The following HSD17B7 variants were observed in gnomAD, a reference collection of about 807,000 sequenced individuals.
HSD17B7 encodes hydroxysteroid 17-beta dehydrogenase 7.
Under a neutral mutation model 34.1 loss-of-function variants are expected in HSD17B7, and 17 were observed. The observed-to-expected ratio is 0.50, with a 90% CI of 0.34 to 0.75. The LOEUF is 0.75. HSD17B7 is among the 30% of genes least tolerant of loss of function. The pLI, the probability that HSD17B7 is intolerant of heterozygous loss-of-function variation, is 0.01. For missense variants in HSD17B7, 296 were observed against 406.6 expected, an observed-to-expected ratio of 0.73 and a Z score of 2.34; for synonymous variants, 122 against 154.6, an observed-to-expected ratio of 0.79 and a Z score of 1.56.
Position 162,796,010 on chromosome 1 carries a change from G to A in HSD17B7, c.240-575G>A, listed in dbSNP as rs529815036. 7.8e-5 allele frequency among the ~76,000 whole-genome samples: 7 copies of A among 89,518 alleles called. No homozygotes were observed. In the South Asian group the frequency reaches 1.9e-3, roughly 24 times the overall value. The allele number at this position is 89,518 out of a possible 152,430, so 58.7% of individuals were successfully genotyped here. A position where few individuals can be genotyped will look rare whatever the true frequency, so the allele number is the denominator to read the frequency against. On this transcript the variant is annotated intron_variant, in intron 2 of 8. Transcript: ENST00000254521. The stretch of plus-strand genomic sequence containing the variant: ...TTTTATAATCTCAGTGTATTCTTAC[G>A]AACTTTCATCATTTTAGGATACATA...
At chr1:162,797,723 G>A in intron 3 of HSD17B7, 79 bp from the exon 4 acceptor site, 1 of 1,548,122 alleles carries the variant, frequency 6.5e-7, no homozygotes. Context: ...TGGGTCGGGG[G>A]GATGGGTTGG....
chr1:162,802,592 T>G (rs1392566047), intron 5 of HSD17B7, among the ~76,000 whole-genome samples: 1 of 152,162 alleles, frequency 6.6e-6, no homozygotes, highest in Non-Finnish European at 1.5e-5. Flanking sequence ...GAACTGTCTG[T>G]TAAACTGGCA....
intron 3 of HSD17B7, 21 bp from the exon 4 acceptor site, chr1:162,797,781 A>C (rs1222354529): frequency 6.2e-7 from 1 of 1,602,226 alleles, no homozygotes; most frequent in African/African-American, 1.3e-5. Flanking sequence ...AAAGTCATGC[A>C]ATTATCTTCT....
rs747429092 is a variant in HSD17B7 at position 162,792,673 on chromosome 1, C to T, written c.50C>T (p.Ala17Val). ...TGTCCTCCCAGTGGCATTGGCCTGG[C>T]CCTCTGCAAGCGGCTGCTGGCGGAA... ...ITGASSGIGL[A>V]LCKRLLAEDD... The change falls in exon 2 of 9, where the codon GCC becomes GTC. Residue 17 changes from alanine to valine, a missense_variant. Coordinates refer to ENST00000254521, the MANE Select transcript of HSD17B7 (RefSeq NM_016371.4). The T allele has an allele frequency of 8.7e-6, 14 of 1,612,804 alleles. No homozygotes were observed. The highest frequency in any genetic ancestry group is 1.1e-5 in the Non-Finnish European group (13 of 1,179,436).
chr1:162,792,923 A>G, intron 2 of HSD17B7, 61 bp downstream of exon 2: 1 of 1,539,504 alleles, frequency 6.5e-7, no homozygotes, highest in Non-Finnish European at 9.0e-7. Context: ...CACTTAATAA[A>G]ATAAGAGAGG....
intron 2 of HSD17B7, among the ~76,000 whole-genome samples, chr1:162,793,835 A>G (rs536621912): frequency 3.3e-5 from 5 of 152,238 alleles, no homozygotes; most frequent in African/African-American, 9.6e-5. Context: ...CCAATCTTAT[A>G]TTAGTTGGGT....
rs756796880 is a variant in HSD17B7, at chr1:162,792,844, C to G, written c.221C>G (p.Ser74Cys). 5.0e-6 allele frequency: 8 copies of G among 1,614,128 alleles called. No individual in the cohort carries two copies. Among genetic ancestry groups the G allele is most frequent in the Non-Finnish European group, 5.9e-6 (7 of 1,180,032 alleles). Residue 74 changes from serine (S) to cysteine (C), a missense_variant, in exon 2 of 9, where the codon TCC becomes TGC. Transcript: ENST00000254521. ...AACCTGCAGTCGGTCTTCCGGGCCT[C>G]CAAGGAACTTAAGCAAAGGTATATC... ...VSNLQSVFRA[S>C]KELKQRFQRL...
At position 162,803,451 on chromosome 1, in the gene HSD17B7, C is replaced by A. The variant is rs887408419; in HGVS notation, c.663C>A (p.Ala221=). The A allele has an allele frequency of 6.2e-7, 1 of 1,612,824 alleles. No individual in the cohort carries two copies. The highest frequency in any genetic ancestry group is 1.3e-5 in the African/African-American group (1 of 74,964). Reference sequence around the variant, plus strand: ...CCTAGGGTCTCTATTCCAATGTGGCCTGTCCAGGTACAGCATTGACCAATT... The same window carrying A: ...CCTAGGGTCTCTATTCCAATGTGGCATGTCCAGGTACAGCATTGACCAATT... ...FNQQGLYSNV[A]CPGTALTNLT... Residue 221 remains alanine (A), a synonymous_variant, in exon 6 of 9, where the codon GCC becomes GCA. Transcript: ENST00000254521.
intron 3 of HSD17B7, 47 bp from the exon 4 acceptor site, chr1:162,797,755 G>A (rs1318200162): frequency 1.9e-6 from 3 of 1,584,034 alleles, no homozygotes; most frequent in African/African-American, 2.7e-5. Flanking sequence ...AGTATTTCCA[G>A]TTAAAGAAGC....
Position 162,803,436 on chromosome 1 carries a change from C to G in HSD17B7, c.648C>G (p.Leu216=), listed in dbSNP as rs762735136. 7 of 1,612,470 alleles carry G rather than the reference C, an allele frequency of 4.3e-6. No individual in the cohort carries two copies. The highest frequency in any genetic ancestry group is 3.3e-5 in the Admixed American group (2 of 59,946). Residue 216 remains leucine, a synonymous_variant, in exon 6 of 9, where the codon CTC becomes CTG. Coordinates refer to ENST00000254521, the MANE Select transcript of HSD17B7 (RefSeq NM_016371.4). Reference sequence around the variant, plus strand: ...CTACACCTCTCTGTTCCTAGGGTCTCTATTCCAATGTGGCCTGTCCAGGTA... The same window carrying G: ...CTACACCTCTCTGTTCCTAGGGTCTGTATTCCAATGTGGCCTGTCCAGGTA... ...ALNRNFNQQG[L]YSNVACPGTA... is the part of the protein sequence containing the mutation.
chr1:162,812,086 A>AG (rs761328163), intron 8 of HSD17B7, among the ~76,000 whole-genome samples: 113 of 152,348 alleles, frequency 7.4e-4, no homozygotes, highest in South Asian at 1.7e-3. Flanking sequence ...TTGCTGTTTA[A>AG]GGGAAGCATC....
intron 5 of HSD17B7, among the ~76,000 whole-genome samples, chr1:162,802,607 C>G (rs868840116): frequency 1.3e-5 from 2 of 151,800 alleles, no homozygotes; most frequent in Non-Finnish European, 2.9e-5. Flanking sequence ...CTGGCACTTC[C>G]TATTTTTTTA....
intron 4 of HSD17B7, chr1:162,798,203 A>G (rs554493763): frequency 2.4e-6 from 1 of 423,586 alleles, no homozygotes; most frequent in Non-Finnish European, 3.8e-6. Context: ...CCCATTATTA[A>G]CATTTCGCAT....
chr1:162,812,243 T>A lies in HSD17B7; in HGVS notation c.904-55T>A, dbSNP rs1054900413. The A allele has an allele frequency of 1.9e-6, 3 of 1,573,626 alleles. No individual in the cohort carries two copies. The African/African-American group carries it at 4.1e-5, about 22-fold the overall frequency. ...ATTGAATGCCTTTTTTTTATACAAA[T>A]ACTATTCATCTTATTTTTCATTTCT... On this transcript the variant is annotated intron_variant, in intron 8 of 8. Coordinates refer to ENST00000254521, the MANE Select transcript of HSD17B7 (RefSeq NM_016371.4).
intron 7 of HSD17B7, among the ~76,000 whole-genome samples, chr1:162,804,644 T>G (rs1327922777): frequency 6.6e-6 from 1 of 152,152 alleles, no homozygotes; most frequent in East Asian, 1.9e-4. Context: ...GGACGGTGAC[T>G]GCACAATCAG....
intron 4 of HSD17B7, 188 bp from the exon 5 acceptor site, chr1:162,799,555 A>G (rs1042434793): frequency 9.2e-6 from 5 of 540,946 alleles, no homozygotes; most frequent in African/African-American, 1.9e-5. Context: ...ATATATGTAC[A>G]TACTAACTCA....
In HSD17B7 at chr1:162,812,429, C is replaced by G. The variant is rs370587706; in HGVS notation, c.*9C>G. ...GTGGCTCATGCCTATAATTCCAGCACTTTGGGAGGCCAAGGCAGAAGGATC... is the reference window on the plus strand; with the variant it reads ...GTGGCTCATGCCTATAATTCCAGCAGTTTGGGAGGCCAAGGCAGAAGGATC... On this transcript the variant is annotated 3_prime_UTR_variant, in exon 9 of 9. Coordinates refer to ENST00000254521, the MANE Select transcript of HSD17B7 (RefSeq NM_016371.4). 6.4e-7 allele frequency: 1 copy of G among 1,571,118 alleles called. No homozygotes were observed. Among genetic ancestry groups the G allele is most frequent in the Non-Finnish European group, 8.7e-7 (1 of 1,155,450 alleles).
intron 2 of HSD17B7, among the ~76,000 whole-genome samples, chr1:162,794,653 G>A (rs1346565214): frequency 4.0e-5 from 6 of 151,898 alleles, no homozygotes; most frequent in Admixed American, 6.6e-5. Context: ...CATGTTTACA[G>A]GCATTCTTTT....
At position 162,792,669 on chromosome 1, in the gene HSD17B7, C is replaced by G. The variant is rs748791077; in HGVS notation, c.46C>G (p.Leu16Val). The G allele has an allele frequency of 6.2e-7, 1 of 1,612,602 alleles. No homozygotes were observed. The highest frequency in any genetic ancestry group is 2.2e-5 in the East Asian group (1 of 44,832). Residue 16 changes from leucine (L) to valine (V), a missense_variant, in exon 2 of 9, where the codon CTG becomes GTG. Coordinates refer to ENST00000254521, the MANE Select transcript of HSD17B7 (RefSeq NM_016371.4). ...LITGASSGIG[L>V]ALCKRLLAED... The stretch of plus-strand genomic sequence containing the variant: ...GAATTGTCCTCCCAGTGGCATTGGC[C>G]TGGCCCTCTGCAAGCGGCTGCTGGC...
Sources: allele counts gnomAD v4.1 joint callset (sites outside exome capture counted in the v4.1 genomes callset), GRCh38; gene constraint gnomAD v4.1.1; transcripts MANE v1.5; gene names NCBI Gene and HGNC (gene_info 2026-07-23, HGNC 2026-07-21).